Variants in RPA3 observed in about 807,000 individuals in gnomAD.
RPA3 encodes replication protein A 14 kDa subunit.
Under a neutral mutation model 13.7 loss-of-function variants are expected in RPA3, and 24 were observed. The ratio of observed to expected loss-of-function variants is 1.75; its 90% CI spans 1.27 to 2.46. The LOEUF (loss-of-function observed/expected upper bound fraction) is 2.46, where lower values mean the gene tolerates loss of function less well. Among genes scored for constraint, RPA3 ranks in the 30% most tolerant of loss-of-function variants. The pLI is 0.00. For synonymous variants in RPA3, 59 were observed against 51.2 expected (o/e 1.15, Z -0.65); for missense variants, 183 against 151.0 (o/e 1.21, Z -1.11).
At chr7:7,664,433 G>A (rs1209634667) in intron 4 of RPA3, among the ~76,000 whole-genome samples, 1 of 152,136 alleles carries the variant, frequency 6.6e-6, no homozygotes, top group Non-Finnish European at 1.5e-5. Context: ...AACAAATCCT[G>A]TTTTGCCACT....
chr7:7,678,489 T>TA (rs1162185987), intron 4 of RPA3, among the ~76,000 whole-genome samples: 4 of 140,964 alleles, frequency 2.8e-5, no homozygotes, highest in South Asian at 2.1e-4. Context: ...AATTTATAGA[T>TA]AATATATATT....
At chr7:7,667,297 A>G (rs1446499466) in intron 4 of RPA3, among the ~76,000 whole-genome samples, 3 of 152,224 alleles carry the variant, frequency 2.0e-5, no homozygotes, top group Non-Finnish European at 4.4e-5. Context: ...AGACAATTGA[A>G]AAAAATACTG....
rs55737745 is a variant in RPA3 at position 7,637,575 on chromosome 7, A to C, written c.283+289T>G. Among the ~76,000 whole-genome samples the C allele has an allele frequency of 3.7e-3, 557 of 152,066 alleles. 2 individuals carry two copies. The highest frequency in any genetic ancestry group is 0.013 in the African/African-American group (539 of 41,502). ...CCAATATATATCAAACTAAAAATAA[A>C]ACTGTTTTCCTGTATGTTTATGTTA... On this transcript the variant is annotated intron_variant, in intron 7 of 7. Coordinates refer to ENST00000223129, the MANE Select transcript of RPA3 (RefSeq NM_002947.5).
At chr7:7,713,401 T>G (rs1437397104) in intron 2 of RPA3, among the ~76,000 whole-genome samples, 1 of 151,604 alleles carries the variant, frequency 6.6e-6, no homozygotes, top group African/African-American at 2.4e-5. Flanking sequence ...AGACAGAGTT[T>G]TTTTTTTTTT....
chr7:7,662,336 G>A lies in RPA3; in HGVS notation c.-757-21161C>T, dbSNP rs978415038. 1.2e-4 allele frequency among the ~76,000 whole-genome samples: 19 copies of A among 152,096 alleles called. 1 individual carries two copies. Among genetic ancestry groups the A allele is most frequent in the African/African-American group, 4.1e-4 (17 of 41,410 alleles). ...CAGTGAATGGTTCTGTTTTGCTGGC[G>A]TTCTAGGGGCCAGTGGGGTATGAAA... On this transcript the variant is annotated intron_variant, in intron 4 of 7. Transcript: ENST00000223129.
intron 4 of RPA3, among the ~76,000 whole-genome samples, chr7:7,681,357 T>C (rs1301242206): frequency 6.6e-6 from 1 of 152,146 alleles, no homozygotes; most frequent in Admixed American, 6.5e-5. Context: ...TGACTTGAAA[T>C]TCAGGTCTGG....
In RPA3 at chr7:7,640,345, A is replaced by C. The variant is rs1045136900; in HGVS notation, c.74T>G (p.Val25Gly). 1.2e-6 allele frequency: 2 copies of C among 1,613,960 alleles called. No individual in the cohort carries two copies. Among genetic ancestry groups the C allele is most frequent in the African/African-American group, 2.7e-5 (2 of 74,902 alleles). Residue 25 changes from valine (V) to glycine (G), a missense_variant, in exon 5 of 8, where the codon GTC becomes GGC. Physicochemically the swap from Val to Gly is moderately radical, Grantham distance 109 (BLOSUM62 -3). Coordinates refer to ENST00000223129, the MANE Select transcript of RPA3 (RefSeq NM_002947.5). Reference sequence around the variant, plus strand: ...CTTTTCCAGCCTCCCTACGAAGCAGACAGGCTTGTCGATGAATTGAGCTAG... The same window carrying C: ...CTTTTCCAGCCTCCCTACGAAGCAGCCAGGCTTGTCGATGAATTGAGCTAG... The part of the protein sequence containing the change: ...GMLAQFIDKP[V>G]CFVGRLEKIH...
intron 4 of RPA3, among the ~76,000 whole-genome samples, chr7:7,656,833 AATGGG>A (rs1785355788): frequency 6.6e-6 from 1 of 152,186 alleles, no homozygotes. Context: ...TATACCCAGT[AATGGG>A]ATTGCTGGGT....
intron 6 of RPA3, 124 bp from the exon 7 acceptor site, chr7:7,638,096 C>A: frequency 1.7e-6 from 1 of 597,928 alleles, no homozygotes; most frequent in South Asian, 2.8e-5. Flanking sequence ...TAAGAATTAC[C>A]AGTGTAAAAG....
chr7:7,651,758 G>T (rs1785227637), intron 4 of RPA3, among the ~76,000 whole-genome samples: 1 of 152,204 alleles, frequency 6.6e-6, no homozygotes, highest in Non-Finnish European at 1.5e-5. Context: ...ACTCTGCTGG[G>T]TGGAAATTGG....
At chr7:7,659,568 TA>T (rs1785425118) in intron 4 of RPA3, among the ~76,000 whole-genome samples, 2 of 152,210 alleles carry the variant, frequency 1.3e-5, no homozygotes, top group African/African-American at 4.8e-5. Context: ...ATTTACCCAG[TA>T]GTCATACAGG....
At position 7,716,579 on chromosome 7, in the gene RPA3, C is replaced by T. The variant is rs1431786852; in HGVS notation, c.-1079-1353G>A. Among the ~76,000 whole-genome samples the T allele has an allele frequency of 3.9e-5, 6 of 152,292 alleles. No individual in the cohort carries two copies. In the East Asian group the frequency reaches 9.7e-4, roughly 24 times the overall value. On this transcript the variant is annotated intron_variant, in intron 1 of 7. Coordinates refer to ENST00000223129, the MANE Select transcript of RPA3 (RefSeq NM_002947.5). ...CCACCTTCCCTTTTCTTTGTCACCACGTGCACAGTAAAGAGGCAGGCAACA... is the reference window on the plus strand; with the variant it reads ...CCACCTTCCCTTTTCTTTGTCACCATGTGCACAGTAAAGAGGCAGGCAACA...
chr7:7,693,706 A>G (rs747345358), intron 2 of RPA3, among the ~76,000 whole-genome samples: 22 of 152,114 alleles, frequency 1.4e-4, no homozygotes, highest in Admixed American at 2.6e-4. Flanking sequence ...CTTTATTACA[A>G]TTTTAATAAT....
chr7:7,661,116 A>T (rs1785464542), intron 4 of RPA3, among the ~76,000 whole-genome samples: 2 of 151,832 alleles, frequency 1.3e-5, no homozygotes, highest in Admixed American at 6.6e-5. Flanking sequence ...GGCTATTGAT[A>T]CTTGTGTATG....
chr7:7,680,229 G>A (rs1779875011), intron 4 of RPA3, among the ~76,000 whole-genome samples: 2 of 152,104 alleles, frequency 1.3e-5, no homozygotes, highest in South Asian at 4.1e-4. Flanking sequence ...TGTGGCGAGA[G>A]ATAGGGGTCT....
At chr7:7,651,475 T>C (rs1785222488) in intron 4 of RPA3, among the ~76,000 whole-genome samples, 1 of 152,238 alleles carries the variant, frequency 6.6e-6, no homozygotes, top group Admixed American at 6.5e-5. Flanking sequence ...GCCAGGGAAC[T>C]GTCCTCTTCT....
chr7:7,650,770 A>G (rs914356925), intron 4 of RPA3, among the ~76,000 whole-genome samples: 7 of 152,106 alleles, frequency 4.6e-5, no homozygotes, highest in African/African-American at 1.2e-4. Flanking sequence ...CAGACTGATC[A>G]CTCTCCATCC....
chr7:7,644,834 C>G (rs1279550285), intron 4 of RPA3, among the ~76,000 whole-genome samples: 1 of 152,114 alleles, frequency 6.6e-6, no homozygotes, highest in African/African-American at 2.4e-5. Context: ...TAGAATGTAG[C>G]TTATGAATTT....
intron 2 of RPA3, among the ~76,000 whole-genome samples, chr7:7,697,382 A>G (rs886695144): frequency 6.6e-6 from 1 of 152,218 alleles, no homozygotes; most frequent in Non-Finnish European, 1.5e-5. Flanking sequence ...TAAAACACCT[A>G]TGAAACAGAT....
Sources: gnomAD v4.1 joint callset for allele counts (sites outside exome capture counted in the v4.1 genomes callset) on GRCh38, gnomAD v4.1.1 for gene constraint, MANE v1.5 for transcripts, NCBI Gene and HGNC (gene_info 2026-07-23, HGNC 2026-07-21) for gene names.